The following DAB1 variants were observed in gnomAD, a reference collection of about 807,000 sequenced individuals.
DAB1 encodes DAB adaptor protein 1.
Under a neutral mutation model 64.6 loss-of-function variants are expected in DAB1, and 15 were observed. The observed-to-expected ratio is 0.23, with a 90% CI of 0.16 to 0.36. The LOEUF is 0.36. DAB1 is among the 10% of genes least tolerant of loss of function. The probability of loss-of-function intolerance (pLI) is 1.00; values close to 1 mark genes in which losing one functional copy is unlikely to be tolerated. For synonymous variants in DAB1, 235 were observed against 251.9 expected (o/e 0.93, Z 0.64); for missense variants, 596 against 706.7 (o/e 0.84, Z 1.78).
chr1:57,777,624 G>C (rs951841009), intron 6 of DAB1, among the ~76,000 whole-genome samples: 4 of 151,786 alleles, frequency 2.6e-5, no homozygotes, highest in African/African-American at 9.7e-5. Flanking sequence ...AGTTTTACTT[G>C]ATTCTTTTAT....
At chr1:58,459,987 A>G (rs556913537) in intron 3 of DAB1, among the ~76,000 whole-genome samples, 9 of 152,350 alleles carry the variant, frequency 5.9e-5, no homozygotes, top group African/African-American at 2.2e-4. Flanking sequence ...AAAAAAAGAA[A>G]AAGAAGAAAA....
At chr1:57,036,117 T>A (rs187624379) in intron 9 of DAB1, among the ~76,000 whole-genome samples, 460 of 43,388 alleles carry the variant, frequency 0.011, 1 homozygote, top group Non-Finnish European at 0.015. Flanking sequence ...ATGCACATAT[T>A]TTTTTAATGC....
intron 7 of DAB1, among the ~76,000 whole-genome samples, chr1:57,538,544 G>A (rs909734259): frequency 6.6e-6 from 1 of 152,200 alleles, no homozygotes; most frequent in Non-Finnish European, 1.5e-5. Flanking sequence ...TTGAAGAAAT[G>A]CAAGCTTTAG....
chr1:57,424,319 G>A (rs1304398455), upstream of DAB1, among the ~76,000 whole-genome samples: 1 of 151,450 alleles, frequency 6.6e-6, no homozygotes, highest in Non-Finnish European at 1.5e-5. Flanking sequence ...CGGTGGCGAC[G>A]AGGAGGTGGA....
At chr1:58,374,621 C>T (rs1408975879) in intron 3 of DAB1, among the ~76,000 whole-genome samples, 2 of 131,986 alleles carry the variant, frequency 1.5e-5, no homozygotes, top group Non-Finnish European at 3.3e-5. Flanking sequence ...TGTGATGCCT[C>T]CAGCTTTGTT....
chr1:57,165,624 A>G (rs1468817115), intron 2 of DAB1, among the ~76,000 whole-genome samples: 1 of 152,236 alleles, frequency 6.6e-6, no homozygotes, highest in Non-Finnish European at 1.5e-5. Flanking sequence ...TAGCCTGAAG[A>G]AAAATTTCAA....
intron 5 of DAB1, among the ~76,000 whole-genome samples, chr1:57,904,236 G>A (rs1644516851): frequency 1.3e-5 from 2 of 152,276 alleles, no homozygotes; most frequent in African/African-American, 4.8e-5. Context: ...TAATAGCTGG[G>A]CACTGTGATG....
At chr1:57,341,091 A>T (rs1311170340) in intron 1 of DAB1, among the ~76,000 whole-genome samples, 1 of 152,174 alleles carries the variant, frequency 6.6e-6, no homozygotes, top group Non-Finnish European at 1.5e-5. Flanking sequence ...CCCATTTTAC[A>T]GACGAGGACA....
chr1:58,313,818 C>CGTGTGTGTGTGT (rs563478816), intron 4 of DAB1, among the ~76,000 whole-genome samples: 13 of 85,996 alleles, frequency 1.5e-4, no homozygotes, highest in African/African-American at 6.4e-4. Flanking sequence ...ATTGTATCTT[C>CGTGTGTGTGTGT]ATGTGTGTGT....
chr1:58,507,217 A>G (rs544961881), intron 2 of DAB1, among the ~76,000 whole-genome samples: 1 of 152,050 alleles, frequency 6.6e-6, no homozygotes, highest in Admixed American at 6.5e-5. Flanking sequence ...TCTTTCTATA[A>G]TAAGTAACTG....
intron 6 of DAB1, among the ~76,000 whole-genome samples, chr1:57,727,196 C>T (rs1647226314): frequency 1.3e-5 from 2 of 152,198 alleles, no homozygotes; most frequent in South Asian, 2.1e-4. Flanking sequence ...TATTTACTTA[C>T]ATCTCACACT....
intron 4 of DAB1, among the ~76,000 whole-genome samples, chr1:58,166,563 T>G (rs1192182144): frequency 2.0e-5 from 3 of 152,168 alleles, no homozygotes; most frequent in African/African-American, 7.2e-5. Flanking sequence ...ATTTGAAGTG[T>G]TTCCACTTCC....
At chr1:57,169,234 C>G (rs1661496232) in intron 2 of DAB1, among the ~76,000 whole-genome samples, 1 of 152,136 alleles carries the variant, frequency 6.6e-6, no homozygotes, top group Non-Finnish European at 1.5e-5. Context: ...GTAGATGTAT[C>G]CCTTAGGAAG....
chr1:57,441,593 A>G (rs1362829963), intron 7 of DAB1, among the ~76,000 whole-genome samples: 2 of 151,982 alleles, frequency 1.3e-5, no homozygotes, highest in South Asian at 2.1e-4. Flanking sequence ...AGCTTAAGCA[A>G]TCTGCCTGCC....
At chr1:57,978,830 G>C (rs936279530) in intron 5 of DAB1, among the ~76,000 whole-genome samples, 1 of 152,102 alleles carries the variant, frequency 6.6e-6, no homozygotes, top group Non-Finnish European at 1.5e-5. Context: ...CATCATCACT[G>C]GTCATTATGG....
chr1:58,061,565 A>AC (rs1367269052), intron 5 of DAB1, among the ~76,000 whole-genome samples: 2 of 152,000 alleles, frequency 1.3e-5, no homozygotes, highest in African/African-American at 4.8e-5. Flanking sequence ...GATTAGAACC[A>AC]CCCCCCAACA....
chr1:58,495,979 T>G (rs1264979746), intron 3 of DAB1, among the ~76,000 whole-genome samples: 1 of 152,180 alleles, frequency 6.6e-6, no homozygotes, highest in East Asian at 1.9e-4. Context: ...GCTTGTCATT[T>G]CAGGGCTTCC....
intron 5 of DAB1, among the ~76,000 whole-genome samples, chr1:58,074,594 A>ATATATATATATATATATATATATT (rs1649526356): frequency 1.8e-5 from 2 of 112,382 alleles, no homozygotes; most frequent in Non-Finnish European, 3.6e-5. Context: ...ATATATATAT[A>ATATATATATATATATATATATATT]TTTGAGAAAC....
chr1:58,300,602 AAGAAAGAAAGAGAGAGAGAGAGAGAG>A (rs1444113661), intron 4 of DAB1, among the ~76,000 whole-genome samples: 9 of 39,292 alleles, frequency 2.3e-4, no homozygotes, highest in Admixed American at 9.8e-4. Flanking sequence ...GAAAGAAAGA[AAGAAAGAAAGAGAGAGAGAGAGAGAG>A]AGAGAGAGAG....
Sources: allele counts gnomAD v4.1 joint callset (sites outside exome capture counted in the v4.1 genomes callset), GRCh38; gene constraint gnomAD v4.1.1; transcripts MANE v1.5; gene names NCBI Gene and HGNC (gene_info 2026-07-23, HGNC 2026-07-21).